SUPT16H: variants seen among roughly 807,000 people sequenced by gnomAD.
SUPT16H encodes FACT complex subunit SPT16.
A neutral mutation model predicts 136.2 loss-of-function variants in SUPT16H; 24 were observed. The ratio of observed to expected loss-of-function variants is 0.18; its 90% CI spans 0.13 to 0.25. SUPT16H has a LOEUF of 0.25. Ranked by LOEUF, SUPT16H falls within the 10% of genes least tolerant of loss-of-function variation. SUPT16H has a pLI of 1.00. For missense variants in SUPT16H, 623 were observed against 1,270.2 expected (o/e 0.49, Z 7.74); for synonymous variants, 415 against 428.2 (o/e 0.97, Z 0.38).
At chr14:21,383,191 T>A in intron 1 of SUPT16H, 1 of 163,918 alleles carries the variant, frequency 6.1e-6, no homozygotes, top group Non-Finnish European at 1.3e-5. Flanking sequence ...CTGCCACAGC[T>A]CTTTTAATGA....
intron 15 of SUPT16H, 30 bp from the exon 16 acceptor site, chr14:21,361,243 T>A (rs1425857200): frequency 6.2e-7 from 1 of 1,603,820 alleles, no homozygotes; most frequent in African/African-American, 1.3e-5. Flanking sequence ...TTTATAGACA[T>A]TTCTTTTTCA....
chr14:21,375,050 A>G (rs577446308), intron 1 of SUPT16H, among the ~76,000 whole-genome samples: 136 of 151,858 alleles, frequency 9.0e-4, no homozygotes, highest in Non-Finnish European at 1.5e-3. Context: ...GTCTCGCTCT[A>G]TCACCCAGGC....
intron 1 of SUPT16H, among the ~76,000 whole-genome samples, chr14:21,375,909 CT>C (rs1566394473): frequency 6.6e-6 from 1 of 152,166 alleles, no homozygotes; most frequent in Non-Finnish European, 1.5e-5. Context: ...TTTTCTTGTG[CT>C]TTTGGTGTCA....
At chr14:21,360,588 C>A in intron 17 of SUPT16H, 55 bp from the exon 18 acceptor site, 1 of 1,445,282 alleles carries the variant, frequency 6.9e-7, no homozygotes, top group South Asian at 1.2e-5. Context: ...GGCCAAAAGG[C>A]ACTGCAACTC....
rs1594300151 is a variant in SUPT16H, at chr14:21,360,647, A to C, written c.2057-114T>G. The C allele has an allele frequency of 3.4e-6, 4 of 1,193,344 alleles. No individual in the cohort carries two copies. The East Asian group carries it at 9.4e-5, about 28-fold the overall frequency. 73.9% of individuals were successfully genotyped at this position (1,193,344 alleles called of 1,614,324 possible). A position where few individuals can be genotyped will look rare whatever the true frequency, so the allele number is the denominator to read the frequency against. On this transcript the variant is annotated intron_variant, in intron 17 of 25. Coordinates refer to ENST00000216297, the MANE Select transcript of SUPT16H (RefSeq NM_007192.4). The stretch of plus-strand genomic sequence containing the variant: ...AGAGGAAACACCAACAGCTGTATAG[A>C]GCTTTCCTTTCCTTCTGGCCACACA...
chr14:21,360,043 G>GT lies in SUPT16H; in HGVS notation c.2175+371dup, dbSNP rs1340726313. ...GAGGTGATTTTTTCATCACTTTTTT[G>GT]TTTTTTGTTTTTCACACGCTGTCGC... On this transcript the variant is annotated intron_variant, in intron 18 of 25. Transcript: ENST00000216297. Among the ~76,000 whole-genome samples the GT allele has an allele frequency of 2.0e-5, 3 of 152,056 alleles. No individual in the cohort carries two copies. The East Asian group carries it at 5.8e-4, about 29-fold the overall frequency.
chr14:21,358,570 T>C (rs968843567), intron 19 of SUPT16H, 143 bp from the exon 20 acceptor site: 5 of 623,444 alleles, frequency 8.0e-6, no homozygotes, highest in Non-Finnish European at 1.4e-5. Context: ...TGCAGGTTTG[T>C]TACACAGGTA....
chr14:21,362,787 T>A lies in SUPT16H; in HGVS notation c.1665+7A>T. The A allele has an allele frequency of 1.3e-6, 2 of 1,596,674 alleles. No individual in the cohort carries two copies. The highest frequency in any genetic ancestry group is 1.7e-6 in the Non-Finnish European group (2 of 1,174,988). ...TGGATGAAACCTGATGCACTGAATG[T>A]CAGTACCTTGATTGTGGCAATGTGA... On this transcript the variant is annotated splice_region_variant and intron_variant, in intron 14 of 25. Coordinates refer to ENST00000216297, the MANE Select transcript of SUPT16H (RefSeq NM_007192.4).
At chr14:21,356,163 G>C (rs11848400) in intron 22 of SUPT16H, among the ~76,000 whole-genome samples, 3,432 of 152,182 alleles carry the variant, frequency 0.023, 141 homozygotes, top group African/African-American at 0.078. Context: ...GAAGAGTACA[G>C]GAAGGAAGAG....
chr14:21,355,933 T>C (rs933664762), intron 22 of SUPT16H, among the ~76,000 whole-genome samples: 10 of 152,084 alleles, frequency 6.6e-5, no homozygotes, highest in African/African-American at 2.2e-4. Context: ...AAACAAAATA[T>C]GAAACAACAG....
In SUPT16H at chr14:21,358,320, G is replaced by A. The variant is rs528067986; in HGVS notation, c.2409C>T (p.Asp803=). Residue 803 remains aspartate (D), a synonymous_variant, in exon 20 of 26, where the codon GAC becomes GAT. Coordinates refer to ENST00000216297, the MANE Select transcript of SUPT16H (RefSeq NM_007192.4). ...EELEFEVPFR[D]LGFNGAPYRS... The stretch of plus-strand genomic sequence containing the variant: ...CCAAAAATAAGATAGGTTACCCCAA[G>A]TCCCTAAAAGGCACTTCAAATTCCA... 6 of 1,604,512 alleles carry A rather than the reference G, an allele frequency of 3.7e-6. No homozygotes were observed. The highest frequency in any genetic ancestry group is 1.1e-5 in the South Asian group (1 of 89,416).
chr14:21,352,469 C>T lies in SUPT16H; in HGVS notation c.*204G>A. ...TCTTCAAGAACACCTCCTCCCTTGC[C>T]ATCTGAATGGGGCCATTGGCACGTG... On this transcript the variant is annotated 3_prime_UTR_variant, in exon 26 of 26. Transcript: ENST00000216297. 1 of 706,098 alleles carries T rather than the reference C, an allele frequency of 1.4e-6. No individual in the cohort carries two copies. Among genetic ancestry groups the T allele is most frequent in the Non-Finnish European group, 2.4e-6 (1 of 424,868 alleles). 43.7% of individuals were successfully genotyped at this position (706,098 alleles called of 1,614,324 possible).
rs554122164 is a variant in SUPT16H at position 21,373,820 on chromosome 14, T to C, written c.67-390A>G. On this transcript the variant is annotated intron_variant, in intron 1 of 25. Coordinates refer to ENST00000216297, the MANE Select transcript of SUPT16H (RefSeq NM_007192.4). ...TCGGCTCACTGCAACCTCCGCCTCC[T>C]GGGTTCAAGCAATTCTCCTGCCTCA... Among the ~76,000 whole-genome samples the C allele has an allele frequency of 3.3e-5, 5 of 152,230 alleles. No individual in the cohort carries two copies. The East Asian group carries it at 9.7e-4, about 29-fold the overall frequency.
chr14:21,355,674 T>C (rs931010921), intron 22 of SUPT16H, among the ~76,000 whole-genome samples: 25 of 152,142 alleles, frequency 1.6e-4, no homozygotes, highest in African/African-American at 5.8e-4. Context: ...TAAAGTGCCC[T>C]GTATTTAGAC....
intron 3 of SUPT16H, among the ~76,000 whole-genome samples, chr14:21,371,555 C>G (rs1336416316): frequency 2.0e-5 from 3 of 152,156 alleles, no homozygotes; most frequent in African/African-American, 7.2e-5. Context: ...TGATGTATAT[C>G]TAAGTTTCCT....
intron 8 of SUPT16H, 26 bp from the exon 9 acceptor site, chr14:21,365,169 C>T (rs1566387324): frequency 1.9e-6 from 3 of 1,600,922 alleles, no homozygotes; most frequent in East Asian, 2.2e-5. Flanking sequence ...TAAACATCAG[C>T]AAAAGGCTAA....
Position 21,370,501 on chromosome 14 carries a change from TAGGGA to T in SUPT16H, c.331-18_331-14del. On this transcript the variant is annotated splice_polypyrimidine_tract_variant and intron_variant, in intron 3 of 25. Transcript: ENST00000216297. Reference sequence around the variant, plus strand: ...TATTACTTTCATTCTGTCAGTGTCATAGGGAAGAAAAGACACATATGTTTTACCAG... The same window carrying T: ...TATTACTTTCATTCTGTCAGTGTCATAGAAAAGACACATATGTTTTACCAG... 1.2e-6 allele frequency: 2 copies of T among 1,613,490 alleles called. No homozygotes were observed. The highest frequency in any genetic ancestry group is 1.7e-6 in the Non-Finnish European group (2 of 1,179,786).
At chr14:21,368,551 G>A in intron 6 of SUPT16H, 110 bp from the exon 7 acceptor site, 1 of 1,234,372 alleles carries the variant, frequency 8.1e-7, no homozygotes, top group Non-Finnish European at 1.1e-6. Context: ...ATATCCCAAA[G>A]CTGTGGCTGA....
chr14:21,368,550 AGCTGTG>A, intron 6 of SUPT16H, 109 bp from the exon 7 acceptor site: 1 of 1,234,904 alleles, frequency 8.1e-7, no homozygotes, highest in Non-Finnish European at 1.1e-6. Context: ...CATATCCCAA[AGCTGTG>A]GCTGAATAAG....
Sources: gnomAD v4.1 joint callset for allele counts (sites outside exome capture counted in the v4.1 genomes callset) on GRCh38, gnomAD v4.1.1 for gene constraint, MANE v1.5 for transcripts, NCBI Gene and HGNC (gene_info 2026-07-23, HGNC 2026-07-21) for gene names.